The following NELL2 variants were observed in gnomAD, a reference collection of about 807,000 sequenced individuals.
NELL2 encodes the protein protein kinase C-binding protein NELL2.
Under a neutral mutation model 109.6 loss-of-function variants are expected in NELL2, and 41 were observed. The observed-to-expected ratio is 0.37, with a 90% CI of 0.29 to 0.49. NELL2 has a LOEUF of 0.49. Among genes scored for constraint, NELL2 ranks in the 20% least tolerant of loss-of-function variants. The pLI, the probability that NELL2 is intolerant of heterozygous loss-of-function variation, is 0.98. For synonymous variants in NELL2, 355 were observed against 344.7 expected, an observed-to-expected ratio of 1.03 and a Z score of -0.33; for missense variants, 900 against 1,008.3, an observed-to-expected ratio of 0.89 and a Z score of 1.45.
intron 15 of NELL2, among the ~76,000 whole-genome samples, chr12:44,537,160 G>A (rs114099823): frequency 0.015 from 2,300 of 152,008 alleles, 44 homozygotes; most frequent in African/African-American, 0.052. Context: ...ACTGGCTTCA[G>A]AGGCAATCAA....
intron 9 of NELL2, among the ~76,000 whole-genome samples, chr12:44,745,281 G>A (rs1444954561): frequency 6.6e-6 from 1 of 152,078 alleles, no homozygotes; most frequent in East Asian, 1.9e-4. Context: ...CAATAAATTA[G>A]ATATTGATGG....
chr12:44,574,509 CTT>C (rs1022183905), intron 15 of NELL2, among the ~76,000 whole-genome samples: 3 of 151,874 alleles, frequency 2.0e-5, no homozygotes, highest in African/African-American at 7.3e-5. Flanking sequence ...TCTTTTCTAA[CTT>C]AAAGGAATGT....
At chr12:44,817,897 C>G (rs1382327902) in intron 2 of NELL2, among the ~76,000 whole-genome samples, 1 of 152,126 alleles carries the variant, frequency 6.6e-6, no homozygotes, top group East Asian at 1.9e-4. Flanking sequence ...CAGACCTGAC[C>G]AATCCGGGCA....
intron 2 of NELL2, among the ~76,000 whole-genome samples, chr12:44,864,329 C>T (rs1436717181): frequency 6.6e-6 from 1 of 151,958 alleles, no homozygotes; most frequent in African/African-American, 2.4e-5. Flanking sequence ...CTATAAGAGA[C>T]TCACTTCACT....
chr12:44,592,566 A>G (rs949448850), intron 15 of NELL2, among the ~76,000 whole-genome samples: 2 of 152,154 alleles, frequency 1.3e-5, no homozygotes, highest in African/African-American at 4.8e-5. Context: ...GAGAGCCACA[A>G]GGGAGGATAA....
At chr12:44,909,899 A>T (rs1196769531) in intron 1 of NELL2, among the ~76,000 whole-genome samples, 2 of 152,002 alleles carry the variant, frequency 1.3e-5, no homozygotes, top group African/African-American at 4.8e-5. Flanking sequence ...CTATTCAATA[A>T]ATGGTGCTGG....
intron 1 of NELL2, among the ~76,000 whole-genome samples, chr12:44,887,599 A>AT (rs1223155958): frequency 4.7e-5 from 7 of 149,782 alleles, no homozygotes; most frequent in Non-Finnish European, 8.9e-5. Flanking sequence ...ATTTTTACCC[A>AT]TTTTTTAATC....
intron 2 of NELL2, among the ~76,000 whole-genome samples, chr12:44,874,291 C>T (rs574406574): frequency 3.3e-5 from 5 of 152,230 alleles, no homozygotes; most frequent in African/African-American, 9.6e-5. Context: ...GGGCAAGAAG[C>T]TTTAGTCCAT....
At chr12:44,671,547 T>C (rs1334739767) in intron 12 of NELL2, among the ~76,000 whole-genome samples, 1 of 151,702 alleles carries the variant, frequency 6.6e-6, no homozygotes, top group African/African-American at 2.4e-5. Context: ...TAACAAAGAA[T>C]AAAAGAGAGA....
At chr12:44,730,836 G>A (rs1939330695) in intron 9 of NELL2, among the ~76,000 whole-genome samples, 1 of 151,860 alleles carries the variant, frequency 6.6e-6, no homozygotes, top group Admixed American at 6.6e-5. Context: ...ACTAACATAA[G>A]GGTTGTTTTT....
rs17094931 is a variant in NELL2 at position 44,678,454 on chromosome 12, G to T, written c.1319-12845C>A. 1.2e-3 allele frequency among the ~76,000 whole-genome samples: 177 copies of T among 152,104 alleles called. No homozygotes were observed. The East Asian group carries it at 0.027, about 24-fold the overall frequency. On this transcript the variant is annotated intron_variant, in intron 12 of 19. Coordinates refer to ENST00000429094, the MANE Select transcript of NELL2 (RefSeq NM_001145108.2). ...CCATGGCATTCACTTCTGGAGTCCAGTCTTGGATGGCATCAGTGAACGTTC... is the reference window on the plus strand; with the variant it reads ...CCATGGCATTCACTTCTGGAGTCCATTCTTGGATGGCATCAGTGAACGTTC...
At chr12:44,759,965 T>C (rs1941053547) in intron 9 of NELL2, among the ~76,000 whole-genome samples, 3 of 152,212 alleles carry the variant, frequency 2.0e-5, no homozygotes, top group South Asian at 2.1e-4. Flanking sequence ...CATATACCTA[T>C]GGCAGAGTTA....
chr12:44,871,714 A>G (rs1331166212), intron 2 of NELL2, among the ~76,000 whole-genome samples: 3 of 152,216 alleles, frequency 2.0e-5, no homozygotes, highest in Non-Finnish European at 2.9e-5. Context: ...ACTAAAGTCC[A>G]TGGTCTATTA....
intron 15 of NELL2, among the ~76,000 whole-genome samples, chr12:44,558,976 G>C (rs145143180): frequency 6.6e-6 from 1 of 152,136 alleles, no homozygotes; most frequent in Non-Finnish European, 1.5e-5. Context: ...TGGGAAGCTC[G>C]AGCTTGGTGG....
At chr12:44,611,964 T>C (rs1945639150) in intron 13 of NELL2, among the ~76,000 whole-genome samples, 1 of 152,236 alleles carries the variant, frequency 6.6e-6, no homozygotes, top group Admixed American at 6.6e-5. Flanking sequence ...GTACTCAGTC[T>C]CTTACATGAA....
At chr12:44,583,603 A>G (rs1329973345) in intron 15 of NELL2, among the ~76,000 whole-genome samples, 1 of 152,210 alleles carries the variant, frequency 6.6e-6, no homozygotes, top group East Asian at 1.9e-4. Context: ...AAGATTTATG[A>G]CATTATATTT....
intron 7 of NELL2, 102 bp downstream of exon 7, chr12:44,776,940 A>T: frequency 1.0e-6 from 1 of 982,438 alleles, no homozygotes; most frequent in Admixed American, 1.8e-5. Flanking sequence ...ACAGTATAGT[A>T]TAAGAAGAGC....
chr12:44,588,170 C>CA (rs35003349), intron 15 of NELL2, among the ~76,000 whole-genome samples: 233 of 100,874 alleles, frequency 2.3e-3, no homozygotes, highest in Middle Eastern at 6.1e-3. Flanking sequence ...GACTCCGTCT[C>CA]AAAAAAAAAA....
At chr12:44,617,650 C>CCA (rs1166895452) in intron 13 of NELL2, among the ~76,000 whole-genome samples, 1 of 88,774 alleles carries the variant, frequency 1.1e-5, no homozygotes, top group African/African-American at 8.0e-5. Flanking sequence ...CGAGATCCCG[C>CCA]CACTGCACTC....
Sources: gnomAD v4.1 joint callset for allele counts (sites outside exome capture counted in the v4.1 genomes callset) on GRCh38, gnomAD v4.1.1 for gene constraint, MANE v1.5 for transcripts, NCBI Gene and HGNC (gene_info 2026-07-23, HGNC 2026-07-21) for gene names.